Variants in ERBB4 observed in about 807,000 individuals in gnomAD.
ERBB4 encodes the protein receptor tyrosine-protein kinase erbB-4.
ERBB4 carries 42 observed loss-of-function variants against 158.0 expected under a neutral mutation model. That is an observed-to-expected ratio of 0.27 (90% confidence interval 0.21 to 0.34). ERBB4 has a LOEUF of 0.34. ERBB4 is among the 10% of genes least tolerant of loss of function. The pLI is 1.00. For synonymous variants in ERBB4, 583 were observed against 558.7 expected, an observed-to-expected ratio of 1.04 and a Z score of -0.61; for missense variants, 1,333 against 1,624.1, an observed-to-expected ratio of 0.82 and a Z score of 3.08.
intron 3 of ERBB4, among the ~76,000 whole-genome samples, chr2:211,795,869 T>C (rs951683061): frequency 2.0e-5 from 3 of 151,928 alleles, no homozygotes; most frequent in East Asian, 3.9e-4. Flanking sequence ...AAACTTTATA[T>C]ACTATTTAAA....
At chr2:212,227,164 G>A (rs2083499012) in intron 1 of ERBB4, among the ~76,000 whole-genome samples, 1 of 150,872 alleles carries the variant, frequency 6.6e-6, no homozygotes, top group Non-Finnish European at 1.5e-5. Flanking sequence ...AGAATTGTTT[G>A]AACCCGGGAG....
At chr2:211,844,064 C>T (rs1422473510) in intron 3 of ERBB4, among the ~76,000 whole-genome samples, 1 of 151,970 alleles carries the variant, frequency 6.6e-6, no homozygotes. Flanking sequence ...TGACAGACTT[C>T]GTCAAATAAA....
chr2:211,895,728 G>C (rs1032314669), intron 3 of ERBB4, among the ~76,000 whole-genome samples: 1 of 151,970 alleles, frequency 6.6e-6, no homozygotes, highest in African/African-American at 2.4e-5. Flanking sequence ...TTCCATTATA[G>C]AACTGTCTAT....
chr2:211,649,657 C>T (rs1427891474), intron 16 of ERBB4, among the ~76,000 whole-genome samples: 3 of 151,780 alleles, frequency 2.0e-5, no homozygotes, highest in Admixed American at 1.3e-4. Flanking sequence ...TATTTTTACT[C>T]TACTAAAAGT....
At chr2:211,557,537 A>C (rs2067267995) in intron 20 of ERBB4, among the ~76,000 whole-genome samples, 1 of 152,208 alleles carries the variant, frequency 6.6e-6, no homozygotes, top group South Asian at 2.1e-4. Context: ...TGATCATTAG[A>C]GAAATGCAAA....
At chr2:212,169,511 C>G (rs2081448701) in intron 1 of ERBB4, among the ~76,000 whole-genome samples, 1 of 152,026 alleles carries the variant, frequency 6.6e-6, no homozygotes, top group Admixed American at 6.6e-5. Flanking sequence ...AAAATCAACT[C>G]AAGACAGATT....
intron 3 of ERBB4, among the ~76,000 whole-genome samples, chr2:211,913,050 T>A: frequency 6.6e-6 from 1 of 152,132 alleles, no homozygotes; most frequent in Non-Finnish European, 1.5e-5. Context: ...TATAAGCTTC[T>A]GTACCTCATA....
At chr2:211,734,385 T>G (rs1404916647) in intron 5 of ERBB4, among the ~76,000 whole-genome samples, 2 of 152,074 alleles carry the variant, frequency 1.3e-5, no homozygotes. Flanking sequence ...ATACATGATT[T>G]TTTGAAGACT....
intron 7 of ERBB4, among the ~76,000 whole-genome samples, chr2:211,719,651 C>T (rs897152387): frequency 5.9e-5 from 9 of 151,870 alleles, no homozygotes; most frequent in South Asian, 2.1e-4. Context: ...GTCAGGAGAT[C>T]GAGACCATCC....
At chr2:211,384,795 TATAAA>T (rs1221676842) in intron 27 of ERBB4, among the ~76,000 whole-genome samples, 4 of 152,134 alleles carry the variant, frequency 2.6e-5, no homozygotes, top group African/African-American at 9.7e-5. Flanking sequence ...GCTTGAATTA[TATAAA>T]ATAAAATAAA....
At chr2:212,335,088 A>T (rs557949615) in intron 1 of ERBB4, among the ~76,000 whole-genome samples, 1 of 152,124 alleles carries the variant, frequency 6.6e-6, no homozygotes, top group African/African-American at 2.4e-5. Context: ...CTATTCTGTA[A>T]AACATAAAAT....
intron 1 of ERBB4, among the ~76,000 whole-genome samples, chr2:212,147,068 G>A (rs1403918171): frequency 7.6e-6 from 1 of 131,596 alleles, no homozygotes; most frequent in African/African-American, 2.9e-5. Context: ...TTGGTTCACT[G>A]CAGCCTCCAT....
intron 1 of ERBB4, among the ~76,000 whole-genome samples, chr2:212,252,931 A>G (rs971700119): frequency 7.2e-5 from 11 of 152,162 alleles, no homozygotes; most frequent in Non-Finnish European, 1.5e-4. Context: ...CATAATCAAA[A>G]GATACATTAC....
chr2:212,111,724 T>C (rs1193905703), intron 2 of ERBB4, among the ~76,000 whole-genome samples: 1 of 152,082 alleles, frequency 6.6e-6, no homozygotes, highest in Non-Finnish European at 1.5e-5. Context: ...CAATCATCTA[T>C]TAATTAACTC....
chr2:211,936,038 T>G (rs370724479), intron 3 of ERBB4, among the ~76,000 whole-genome samples: 1 of 152,190 alleles, frequency 6.6e-6, no homozygotes, highest in Non-Finnish European at 1.5e-5. Context: ...TCTAGTTATA[T>G]GAATAATTTT....
At chr2:212,413,510 T>C (rs2091565056) in intron 1 of ERBB4, among the ~76,000 whole-genome samples, 2 of 152,166 alleles carry the variant, frequency 1.3e-5, no homozygotes, top group South Asian at 4.1e-4. Context: ...ATTATGGTGA[T>C]CATAATTAAT....
chr2:211,643,878 ATG>A (rs2070693116), intron 16 of ERBB4, among the ~76,000 whole-genome samples: 1 of 152,054 alleles, frequency 6.6e-6, no homozygotes, highest in African/African-American at 2.4e-5. Flanking sequence ...ACAGGATATT[ATG>A]TGTCATCCAT....
chr2:212,528,192 G>A (rs1692556265), intron 1 of ERBB4, among the ~76,000 whole-genome samples: 1 of 152,020 alleles, frequency 6.6e-6, no homozygotes, highest in South Asian at 2.1e-4. Flanking sequence ...TGACCTGAAG[G>A]CACTAAGATC....
At chr2:212,357,830 G>T (rs1052421070) in intron 1 of ERBB4, among the ~76,000 whole-genome samples, 2 of 151,824 alleles carry the variant, frequency 1.3e-5, no homozygotes, top group African/African-American at 4.8e-5. Context: ...AGTGTGGTGT[G>T]GGGGGACAAA....
Sources: gnomAD v4.1 joint callset for allele counts (sites outside exome capture counted in the v4.1 genomes callset) on GRCh38, gnomAD v4.1.1 for gene constraint, MANE v1.5 for transcripts, NCBI Gene and HGNC (gene_info 2026-07-23, HGNC 2026-07-21) for gene names.